The following LCORL variants were observed in gnomAD, a reference collection of about 807,000 sequenced individuals.
The protein encoded by LCORL is ligand dependent nuclear receptor corepressor like.
In LCORL, 41 loss-of-function variants were observed where a neutral mutation model predicts 141.8. The observed-to-expected ratio is 0.29, with a 90% CI of 0.23 to 0.38. The LOEUF (loss-of-function observed/expected upper bound fraction) is 0.38, where lower values mean the gene tolerates loss of function less well. Among genes scored for constraint, LCORL ranks in the 10% least tolerant of loss-of-function variants. The pLI is 1.00. For synonymous variants in LCORL, 618 were observed against 694.1 expected (o/e 0.89, Z 1.72); for missense variants, 1,759 against 2,035.0 (o/e 0.86, Z 2.61).
At chr4:17,869,937 T>G (rs760156279) in intron 7 of LCORL, among the ~76,000 whole-genome samples, 3 of 152,152 alleles carry the variant, frequency 2.0e-5, no homozygotes, top group Non-Finnish European at 4.4e-5. Flanking sequence ...ACATTGATTT[T>G]ACTTTATAGA....
chr4:17,878,138 T>C (rs780298221), exon 7 of LCORL: 27 of 1,230,298 alleles, frequency 2.2e-5, no homozygotes, highest in Non-Finnish European at 2.7e-5. Context: ...TGCACAAAGA[T>C]TCCAAAACTT....
intron 1 of LCORL, among the ~76,000 whole-genome samples, chr4:18,016,648 A>G (rs926363628): frequency 3.9e-5 from 6 of 152,196 alleles, no homozygotes; most frequent in African/African-American, 1.4e-4. Flanking sequence ...TTTGAAAAAT[A>G]TAAACTAACT....
intron 4 of LCORL, among the ~76,000 whole-genome samples, chr4:17,938,698 C>T (rs1334638761): frequency 6.6e-6 from 1 of 152,056 alleles, no homozygotes; most frequent in African/African-American, 2.4e-5. Context: ...CAGGTGTGAG[C>T]CACCGCGCCC....
chr4:17,955,150 A>G (rs1712334600), intron 4 of LCORL, among the ~76,000 whole-genome samples: 1 of 152,178 alleles, frequency 6.6e-6, no homozygotes, highest in Non-Finnish European at 1.5e-5. Context: ...ACCAGCAAGG[A>G]TCATGTGAAA....
At chr4:17,845,595 A>G (rs930250150) in exon 8 of LCORL, 6 of 563,970 alleles carry the variant, frequency 1.1e-5, no homozygotes, top group Non-Finnish European at 1.8e-5. Flanking sequence ...AAAATGATTA[A>G]TGCTAATGAT....
intron 4 of LCORL, among the ~76,000 whole-genome samples, chr4:17,935,893 C>T (rs1357903220): frequency 1.3e-5 from 2 of 152,056 alleles, no homozygotes. Flanking sequence ...TGTAGGTACA[C>T]AGTAATTGAA....
At chr4:17,940,285 A>C (rs1737719422) in intron 4 of LCORL, among the ~76,000 whole-genome samples, 1 of 148,712 alleles carries the variant, frequency 6.7e-6, no homozygotes, top group African/African-American at 2.4e-5. Flanking sequence ...AAGATTAAAT[A>C]GTAAAGGAGG....
chr4:17,944,601 A>C (rs1738538055), intron 4 of LCORL, among the ~76,000 whole-genome samples: 1 of 152,086 alleles, frequency 6.6e-6, no homozygotes, highest in African/African-American at 2.4e-5. Flanking sequence ...GGCAACACAA[A>C]ATGCTCCAAG....
chr4:17,918,447 G>C (rs925197334), intron 4 of LCORL, among the ~76,000 whole-genome samples: 2 of 151,842 alleles, frequency 1.3e-5, no homozygotes, highest in African/African-American at 2.4e-5. Context: ...AAGAATGAAA[G>C]GAAACCATGT....
At chr4:17,882,355 C>T (rs1727686820) in intron 6 of LCORL, 9 of 984,020 alleles carry the variant, frequency 9.1e-6, no homozygotes, top group Non-Finnish European at 1.1e-5. Context: ...AAAGCAAATC[C>T]CTATTCTTTA....
chr4:17,879,171 T>TTC (rs143010645), intron 6 of LCORL, among the ~76,000 whole-genome samples: 15,222 of 151,096 alleles, frequency 0.1, 1,765 homozygotes, highest in African/African-American at 0.29. Flanking sequence ...AAGAATGTAT[T>TTC]TGTTTAAATG....
At chr4:17,964,751 G>C (rs771454681) in intron 2 of LCORL, among the ~76,000 whole-genome samples, 4 of 152,038 alleles carry the variant, frequency 2.6e-5, no homozygotes, top group Non-Finnish European at 4.4e-5. Context: ...AGCTGAACCA[G>C]ATCACCCATA....
exon 8 of LCORL, chr4:17,844,518 G>T (rs1446450951): frequency 6.6e-6 from 1 of 152,404 alleles, no homozygotes; most frequent in Non-Finnish European, 1.5e-5. Flanking sequence ...TATAAAAGGA[G>T]TCAAAGTTTC....
chr4:17,898,377 G>C (rs1730318302), intron 5 of LCORL, among the ~76,000 whole-genome samples: 1 of 152,008 alleles, frequency 6.6e-6, no homozygotes, highest in Admixed American at 6.6e-5. Flanking sequence ...TTTTGGGATT[G>C]CTCTACTTTA....
intron 4 of LCORL, among the ~76,000 whole-genome samples, chr4:17,956,043 C>CAT: frequency 6.6e-6 from 1 of 152,026 alleles, no homozygotes; most frequent in South Asian, 2.1e-4. Flanking sequence ...GGACAACAGG[C>CAT]ATATGAAAAA....
chr4:17,927,571 A>G (rs924922117), intron 4 of LCORL, among the ~76,000 whole-genome samples: 1 of 152,164 alleles, frequency 6.6e-6, no homozygotes, highest in African/African-American at 2.4e-5. Flanking sequence ...TAAGAGGCAT[A>G]TGACTCTTCC....
intron 1 of LCORL, among the ~76,000 whole-genome samples, chr4:17,992,608 A>G (rs1213293878): frequency 2.0e-5 from 3 of 152,232 alleles, no homozygotes; most frequent in South Asian, 2.1e-4. Context: ...GCTAGATTCA[A>G]TTCTACATTA....
intron 1 of LCORL, among the ~76,000 whole-genome samples, chr4:17,998,201 G>GA (rs1391565667): frequency 6.6e-6 from 1 of 152,200 alleles, no homozygotes; most frequent in Non-Finnish European, 1.5e-5. Context: ...GAGCTTGAAG[G>GA]ATGGGAAGTT....
chr4:17,955,071 T>C (rs750462226), intron 4 of LCORL, among the ~76,000 whole-genome samples: 10 of 152,210 alleles, frequency 6.6e-5, no homozygotes, highest in Admixed American at 1.3e-4. Flanking sequence ...TGAATGTATA[T>C]CAAGAAGAGA....
Sources: gnomAD v4.1 joint callset for allele counts (sites outside exome capture counted in the v4.1 genomes callset) on GRCh38, gnomAD v4.1.1 for gene constraint, MANE v1.5 for transcripts, NCBI Gene and HGNC (gene_info 2026-07-23, HGNC 2026-07-21) for gene names.